MUC20: variants seen among roughly 807,000 people sequenced by gnomAD.
The protein encoded by MUC20 is mucin 20, cell surface associated, also known as mucin-20.
In MUC20, 14 loss-of-function variants were observed where a neutral mutation model predicts 23.8. The ratio of observed to expected loss-of-function variants is 0.59; its 90% CI spans 0.39 to 0.92. MUC20 has a LOEUF of 0.92. Among genes scored for constraint, MUC20 ranks in the 40% least tolerant of loss-of-function variants. MUC20 has a pLI of 0.00. For synonymous variants in MUC20, 166 were observed against 279.3 expected (o/e 0.59, Z 4.04); for missense variants, 375 against 668.8 (o/e 0.56, Z 4.85).
intron 3 of MUC20, among the ~76,000 whole-genome samples, chr3:195,731,837 C>T (rs926340348): frequency 1.3e-5 from 2 of 152,260 alleles, no homozygotes; most frequent in East Asian, 1.9e-4. Flanking sequence ...TGAGGCCAAT[C>T]GTGACTCCCA....
intron 2 of MUC20, among the ~76,000 whole-genome samples, chr3:195,727,227 C>G (rs952043902): frequency 3.9e-5 from 6 of 152,266 alleles, no homozygotes; most frequent in African/African-American, 7.2e-5. Context: ...TGGTGAAACC[C>G]CATCTCTACT....
At chr3:195,731,539 C>G (rs1318503898) in intron 3 of MUC20, among the ~76,000 whole-genome samples, 1 of 152,362 alleles carries the variant, frequency 6.6e-6, no homozygotes, top group South Asian at 2.1e-4. Context: ...CCCCCAGGAG[C>G]TCTGAGGTCC....
intron 3 of MUC20, 92 bp downstream of exon 3, chr3:195,729,831 T>C: frequency 8.0e-7 from 1 of 1,253,262 alleles, no homozygotes; most frequent in Non-Finnish European, 1.1e-6. Flanking sequence ...GAAGAGCAGC[T>C]ACCGCGCTTG....
intron 2 of MUC20, among the ~76,000 whole-genome samples, chr3:195,726,912 C>A (rs1712750398): frequency 6.6e-6 from 1 of 152,258 alleles, no homozygotes; most frequent in Non-Finnish European, 1.5e-5. Flanking sequence ...CACTGAAGTC[C>A]TGTCCAGCTC....
chr3:195,730,695 AT>A (rs1159915277), intron 3 of MUC20, among the ~76,000 whole-genome samples: 4 of 152,192 alleles, frequency 2.6e-5, no homozygotes, highest in African/African-American at 9.6e-5. Context: ...GCAGGTCTCC[AT>A]GGCCTGCAAG....
chr3:195,726,927 C>G (rs1364941609), intron 2 of MUC20, among the ~76,000 whole-genome samples: 1 of 152,250 alleles, frequency 6.6e-6, no homozygotes, highest in East Asian at 1.9e-4. Context: ...CAGCTCTGAC[C>G]TTCTGTGAAG....
chr3:195,729,743 A>C lies in MUC20; in HGVS notation c.2061+4A>C. On this transcript the variant is annotated splice_donor_region_variant and intron_variant, in intron 3 of 3. Coordinates refer to ENST00000447234, the MANE Select transcript of MUC20 (RefSeq NM_001282506.2). ...GGCAGAAAGGCTGATGCAGCAGGTG[A>C]GTGGGCACTTTCCGGGCCAGGGGAG... 6.3e-7 allele frequency: 1 copy of C among 1,591,488 alleles called. No individual in the cohort carries two copies. The highest frequency in any genetic ancestry group is 1.7e-5 in the Admixed American group (1 of 57,352).
At position 195,726,259 on chromosome 3, in the gene MUC20, C is replaced by G. The variant is rs766843643; in HGVS notation, c.1656C>G (p.Val552=). Reference sequence around the variant, plus strand: ...TCAAAGTCTCAGGAGCAGCTCCGGTCTCCATAGAGGCTGGGTCAGCAGTGG... The same window carrying G: ...TCAAAGTCTCAGGAGCAGCTCCGGTGTCCATAGAGGCTGGGTCAGCAGTGG... The part of the protein sequence containing the change: ...SYVKVSGAAP[V]SIEAGSAVGK... The change falls in exon 2 of 4, where the codon GTC becomes GTG. Residue 552 remains valine, a synonymous_variant. Coordinates refer to ENST00000447234, the MANE Select transcript of MUC20 (RefSeq NM_001282506.2). The G allele has an allele frequency of 2.5e-6, 4 of 1,613,920 alleles. No individual in the cohort carries two copies. Among genetic ancestry groups the G allele is most frequent in the Non-Finnish European group, 3.4e-6 (4 of 1,179,890 alleles).
Position 195,726,389 on chromosome 3 carries a change from A to G in MUC20, c.1786A>G (p.Thr596Ala). Residue 596 changes from threonine (T) to alanine (A), a missense_variant, in exon 2 of 4, where the codon ACC (threonine) becomes GCC (alanine). Physicochemically the swap from Thr to Ala is moderately conservative, Grantham distance 58 (BLOSUM62 0). Around this residue, in one of 4 missense-constraint regions of MUC20, gnomAD observed 343 missense variants for 340.2 expected, o/e 1.01. Coordinates refer to ENST00000447234, the MANE Select transcript of MUC20 (RefSeq NM_001282506.2). ...AGAGACACCGACCATGGACATCGCA[A>G]CCAAGGGGCCCTTCCCCACCAGCAG... Reference protein sequence around the residue: ...PSETPTMDIATKGPFPTSRDP... With the variant: ...PSETPTMDIAAKGPFPTSRDP... 1 of 1,613,944 alleles carries G rather than the reference A, an allele frequency of 6.2e-7. No individual in the cohort carries two copies. Among genetic ancestry groups the G allele is most frequent in the Non-Finnish European group, 8.5e-7 (1 of 1,179,846 alleles).
At chr3:195,731,624 G>A (rs1159782057) in intron 3 of MUC20, among the ~76,000 whole-genome samples, 6 of 152,246 alleles carry the variant, frequency 3.9e-5, no homozygotes, top group African/African-American at 1.2e-4. Flanking sequence ...CCACAGCCAA[G>A]GGGCATCACG....
At position 195,733,132 on chromosome 3, in the gene MUC20, G is replaced by A. The variant is rs752181562; in HGVS notation, c.2062-18G>A. The A allele has an allele frequency of 7.0e-6, 11 of 1,576,134 alleles. No homozygotes were observed. The Admixed American group carries it at 2.0e-4, about 29-fold the overall frequency. On this transcript the variant is annotated intron_variant, in intron 3 of 3. Coordinates refer to ENST00000447234, the MANE Select transcript of MUC20 (RefSeq NM_001282506.2). ...GGCCAGATGGGCTGAAAGGACAGCT[G>A]GCTCTTTTGCTCTCCAGCTCCACCG...
chr3:195,726,029 G>C lies in MUC20; in HGVS notation c.1426G>C (p.Ala476Pro), dbSNP rs1180981559. Residue 476 changes from alanine to proline, a missense_variant, in exon 2 of 4, where the codon GCC (alanine) becomes CCC (proline). Coordinates refer to ENST00000447234, the MANE Select transcript of MUC20 (RefSeq NM_001282506.2). ...EAKPHITEVT[A>P]SAETLSTAGT... ...AAAACCACACATCACTGAGGTCACA[G>C]CCTCTGCCGAGACCCTGTCCACAGC... is the stretch of plus-strand genomic sequence containing the variant. 1.2e-6 allele frequency: 2 copies of C among 1,614,022 alleles called. No individual in the cohort carries two copies. The highest frequency in any genetic ancestry group is 2.2e-5 in the South Asian group (2 of 91,084).
At chr3:195,727,163 G>A (rs1389632718) in intron 2 of MUC20, among the ~76,000 whole-genome samples, 8 of 152,366 alleles carry the variant, frequency 5.3e-5, no homozygotes, top group Admixed American at 3.3e-4. Context: ...ACTTTGGGAG[G>A]CAGAGGCCGG....
intron 2 of MUC20, among the ~76,000 whole-genome samples, chr3:195,728,755 G>C (rs563058865): frequency 3.3e-5 from 5 of 152,194 alleles, no homozygotes; most frequent in East Asian, 1.9e-4. Flanking sequence ...TGGGGAGAAA[G>C]CTTGGACAAT....
In MUC20 at chr3:195,733,503, C is replaced by T. The variant is rs1713613711; in HGVS notation, c.*285C>T. 1.5e-6 allele frequency: 2 copies of T among 1,372,988 alleles called. No individual in the cohort carries two copies. The highest frequency in any genetic ancestry group is 1.4e-5 in the African/African-American group (1 of 69,050). 85.1% of individuals were successfully genotyped at this position (1,372,988 alleles called of 1,614,324 possible). A position where few individuals can be genotyped will look rare whatever the true frequency, so the allele number is the denominator to read the frequency against. On this transcript the variant is annotated 3_prime_UTR_variant, in exon 4 of 4. Transcript: ENST00000447234. ...GTTTCAGTAAAGAGAGACCTGATCACCCATCTGTGTGCTTCCATCCTGCAT... is the reference window on the plus strand; with the variant it reads ...GTTTCAGTAAAGAGAGACCTGATCATCCATCTGTGTGCTTCCATCCTGCAT...
intron 1 of MUC20, among the ~76,000 whole-genome samples, chr3:195,721,458 G>A (rs1397259094): frequency 1.3e-5 from 2 of 151,318 alleles, no homozygotes; most frequent in Non-Finnish European, 2.9e-5. Flanking sequence ...GCCAGCTGGT[G>A]ATCATTGTGC....
At chr3:195,729,818 A>G in intron 3 of MUC20, 79 bp downstream of exon 3, 2 of 1,354,182 alleles carry the variant, frequency 1.5e-6, no homozygotes, top group Non-Finnish European at 2.1e-6. Context: ...CCCGCAGGAC[A>G]CAGAAGAGCA....
intron 3 of MUC20, among the ~76,000 whole-genome samples, chr3:195,730,418 T>A (rs1440422791): frequency 6.6e-6 from 1 of 152,274 alleles, no homozygotes; most frequent in Admixed American, 6.5e-5. Flanking sequence ...CGATCTCAGC[T>A]CACTGCAAGC....
rs1365411307 is a variant in MUC20 at position 195,729,768 on chromosome 3, G to A, written c.2061+29G>A. 3.2e-6 allele frequency: 5 copies of A among 1,567,968 alleles called. No homozygotes were observed. In the African/African-American group the frequency reaches 4.1e-5, roughly 13 times the overall value. On this transcript the variant is annotated intron_variant, in intron 3 of 3. Transcript: ENST00000447234. ...AGTGGGCACTTTCCGGGCCAGGGGA[G>A]TAGAGGAAGGGGCGAGGTTCGCAGG...
Sources: gnomAD v4.1 joint callset for allele counts (sites outside exome capture counted in the v4.1 genomes callset) on GRCh38, gnomAD v4.1.1 for gene constraint, gnomAD v4.1.1 regional missense constraint, MANE v1.5 for transcripts, NCBI Gene and HGNC (gene_info 2026-07-23, HGNC 2026-07-21) for gene names.